The following GABRA3 variants were observed in gnomAD, a reference collection of about 807,000 sequenced individuals.
GABRA3 encodes gamma-aminobutyric acid type A receptor subunit alpha3, also known as gamma-aminobutyric acid receptor subunit alpha-3.
GABRA3 carries 10 observed loss-of-function variants against 30.1 expected under a neutral mutation model. The ratio of observed to expected loss-of-function variants is 0.33; its 90% CI spans 0.20 to 0.56. The LOEUF is 0.56. Ranked by LOEUF, GABRA3 falls within the 20% of genes least tolerant of loss-of-function variation. The pLI, the probability that GABRA3 is intolerant of heterozygous loss-of-function variation, is 0.89. For synonymous variants in GABRA3, 151 were observed against 146.8 expected (o/e 1.03, Z -0.21); for missense variants, 233 against 392.0 (o/e 0.59, Z 3.42).
intron 6 of GABRA3, among the ~76,000 whole-genome samples, chrX:152,211,958 AG>A (rs746083120): frequency 1.8e-5 from 2 of 110,424 alleles, no homozygotes; most frequent in Non-Finnish European, 3.8e-5. Context: ...CTGGAGTCAC[AG>A]GCCAGAAGGA....
In GABRA3 at chrX:152,293,608, T is replaced by C. The variant is rs151156187; in HGVS notation, c.263-8873A>G. ...ACAATAACAACAATAATAACAATAA[T>C]AACAATAACAACTGTTATTGTTAAC... On this transcript the variant is annotated intron_variant, in intron 3 of 9. Coordinates refer to ENST00000370314, the MANE Select transcript of GABRA3 (RefSeq NM_000808.4). 8.1e-3 allele frequency among the ~76,000 whole-genome samples: 906 copies of C among 111,839 alleles called. 15 individuals carry two copies. The highest frequency in any genetic ancestry group is 0.028 in the African/African-American group (853 of 30,739).
At chrX:152,361,102 A>T (rs1928488730) in intron 2 of GABRA3, among the ~76,000 whole-genome samples, 1 of 107,928 alleles carries the variant, frequency 9.3e-6, no homozygotes, top group Non-Finnish European at 1.9e-5. Context: ...AAAAAAAAAA[A>T]AAAAAAGAAA....
At chrX:152,244,999 A>T (rs1178149965) in intron 5 of GABRA3, among the ~76,000 whole-genome samples, 1 of 111,507 alleles carries the variant, frequency 9.0e-6, no homozygotes, top group African/African-American at 3.3e-5. Context: ...TAGAGAAAAA[A>T]GGTTCCCACA....
At chrX:152,436,845 C>G (rs1188035738) in intron 1 of GABRA3, among the ~76,000 whole-genome samples, 1 of 110,668 alleles carries the variant, frequency 9.0e-6, no homozygotes, top group African/African-American at 3.3e-5. Flanking sequence ...TCTTAGAATG[C>G]AAAAGGTACA....
intron 5 of GABRA3, among the ~76,000 whole-genome samples, chrX:152,230,563 T>A (rs1938048623): frequency 9.0e-6 from 1 of 111,020 alleles, no homozygotes; most frequent in Non-Finnish European, 1.9e-5. Flanking sequence ...CACTTTCCAG[T>A]TTTAAAGCTA....
At chrX:152,179,305 A>ACATTTAAAATCT (rs1937113720) in intron 9 of GABRA3, among the ~76,000 whole-genome samples, 1 of 111,414 alleles carries the variant, frequency 9.0e-6, no homozygotes, top group African/African-American at 3.3e-5. Flanking sequence ...TGTGGTAAGA[A>ACATTTAAAATCT]CATTTAAAAT....
At position 152,170,855 on chromosome X, in the gene GABRA3, G is replaced by A. The variant is rs899642384; in HGVS notation, c.1144-2292C>T. On this transcript the variant is annotated intron_variant, in intron 9 of 9. Transcript: ENST00000370314. ...CGTAAATTGAACAGTCTGACTAATAGGATATTTTGAAAGCAATATTCTTTC... is the reference window on the plus strand; with the variant it reads ...CGTAAATTGAACAGTCTGACTAATAAGATATTTTGAAAGCAATATTCTTTC... 3.6e-5 allele frequency among the ~76,000 whole-genome samples: 4 copies of A among 111,932 alleles called. No individual in the cohort carries two copies. The Admixed American group carries it at 3.8e-4, about 11-fold the overall frequency.
chrX:152,395,498 G>A (rs1884591817), intron 1 of GABRA3, among the ~76,000 whole-genome samples: 1 of 111,030 alleles, frequency 9.0e-6, no homozygotes, highest in South Asian at 3.8e-4. Context: ...CCATTCAGAC[G>A]CATGTCCCTA....
At chrX:152,330,785 A>T (rs971282127) in intron 3 of GABRA3, among the ~76,000 whole-genome samples, 2 of 110,798 alleles carry the variant, frequency 1.8e-5, no homozygotes, top group Non-Finnish European at 3.8e-5. Flanking sequence ...CCAACATGGC[A>T]CATGTATACA....
chrX:152,220,324 T>C (rs1219039343), intron 6 of GABRA3, among the ~76,000 whole-genome samples: 1 of 111,944 alleles, frequency 8.9e-6, no homozygotes, highest in East Asian at 2.8e-4. Flanking sequence ...AATCAGATTC[T>C]ATATACACTT....
At chrX:152,426,459 T>C (rs1439690592) in intron 1 of GABRA3, among the ~76,000 whole-genome samples, 5 of 111,871 alleles carry the variant, frequency 4.5e-5, no homozygotes, top group Non-Finnish European at 9.4e-5. Context: ...CAAGTACAGG[T>C]GAATTGATTA....
chrX:152,356,882 T>C (rs1002820308), intron 2 of GABRA3, among the ~76,000 whole-genome samples: 4 of 111,997 alleles, frequency 3.6e-5, no homozygotes, highest in African/African-American at 1.3e-4. Flanking sequence ...CTCAGGATAA[T>C]AGCCTCCAGC....
intron 1 of GABRA3, among the ~76,000 whole-genome samples, chrX:152,404,732 TTTATTATTA>T (rs201230420): frequency 0.04 from 2,627 of 65,836 alleles, 114 homozygotes; most frequent in African/African-American, 0.095. Context: ...CAGGAAGTCA[TTTATTATTA>T]TTATTATTAT....
chrX:152,234,137 G>A (rs148867516), intron 5 of GABRA3, among the ~76,000 whole-genome samples: 2,470 of 107,654 alleles, frequency 0.023, 44 homozygotes, highest in Middle Eastern at 0.062. Context: ...CATGGCACAT[G>A]TATACATGTG....
intron 9 of GABRA3, among the ~76,000 whole-genome samples, chrX:152,180,881 G>A (rs1435615095): frequency 8.9e-6 from 1 of 111,939 alleles, no homozygotes; most frequent in South Asian, 3.7e-4. Flanking sequence ...GCTCTCTATT[G>A]TGTTAAATTG....
At chrX:152,422,834 A>C (rs1930409367) in intron 1 of GABRA3, among the ~76,000 whole-genome samples, 1 of 110,942 alleles carries the variant, frequency 9.0e-6, no homozygotes, top group Admixed American at 9.7e-5. Context: ...AATCTATTGT[A>C]TATTTGAAAC....
At chrX:152,301,072 A>G (rs1450822774) in intron 3 of GABRA3, among the ~76,000 whole-genome samples, 1 of 112,327 alleles carries the variant, frequency 8.9e-6, no homozygotes, top group African/African-American at 3.2e-5. Flanking sequence ...GCCTAGACAT[A>G]TCATAATCAA....
rs1410671244 is a variant in GABRA3 at position 152,166,568 on chromosome X, C to T, written c.*1660G>A. The T allele has an allele frequency of 1.8e-5, 2 of 110,873 alleles. No individual in the cohort carries two copies. The highest frequency in any genetic ancestry group is 6.6e-5 in the African/African-American group (2 of 30,395). 9.1% of individuals were successfully genotyped at this position (110,873 alleles called of 1,213,427 possible). ...TTAGGAGCTTTGTTCAGCCGGTGGG[C>T]AGGGAGAATCTGCTTGTGGTGCCCT... On this transcript the variant is annotated 3_prime_UTR_variant, in exon 10 of 10. Coordinates refer to ENST00000370314, the MANE Select transcript of GABRA3 (RefSeq NM_000808.4).
intron 1 of GABRA3, among the ~76,000 whole-genome samples, chrX:152,371,529 C>T (rs917501533): frequency 9.0e-6 from 1 of 111,050 alleles, no homozygotes; most frequent in Non-Finnish European, 1.9e-5. Flanking sequence ...GTCAGTTTGT[C>T]CCTCTATACT....
Sources: gnomAD v4.1 joint callset for allele counts (sites outside exome capture counted in the v4.1 genomes callset) on GRCh38, gnomAD v4.1.1 for gene constraint, MANE v1.5 for transcripts, NCBI Gene and HGNC (gene_info 2026-07-23, HGNC 2026-07-21) for gene names.